The following HECTD2 variants were observed in gnomAD, a reference collection of about 807,000 sequenced individuals.
The protein encoded by HECTD2 is HECT domain E3 ubiquitin protein ligase 2.
In HECTD2, 35 loss-of-function variants were observed where a neutral mutation model predicts 103.2. The observed-to-expected ratio is 0.34, with a 90% confidence interval of 0.26 to 0.45. The LOEUF (loss-of-function observed/expected upper bound fraction) is 0.45, where lower values mean the gene tolerates loss of function less well. Ranked by LOEUF, HECTD2 falls within the 20% of genes least tolerant of loss-of-function variation. The probability of loss-of-function intolerance (pLI) is 1.00; values close to 1 mark genes in which losing one functional copy is unlikely to be tolerated. For missense variants in HECTD2, 596 were observed against 937.4 expected, an observed-to-expected ratio of 0.64 and a Z score of 4.76; for synonymous variants, 281 against 329.9, an observed-to-expected ratio of 0.85 and a Z score of 1.61.
At chr10:91,460,271 A>G (rs1302305485) in intron 2 of HECTD2, among the ~76,000 whole-genome samples, 156 bp from the exon 3 acceptor site, 1 of 152,162 alleles carries the variant, frequency 6.6e-6, no homozygotes, top group Non-Finnish European at 1.5e-5. Context: ...CCCTCCAGTA[A>G]ATGTCCTTCA....
At chr10:91,503,733 T>G (rs1204652497) in intron 20 of HECTD2, among the ~76,000 whole-genome samples, 2 of 152,046 alleles carry the variant, frequency 1.3e-5, no homozygotes, top group Non-Finnish European at 2.9e-5. Flanking sequence ...CTTGCTTAGG[T>G]AAACGAAGCA....
At chr10:91,429,568 C>T (rs893926778) in intron 2 of HECTD2, among the ~76,000 whole-genome samples, 2 of 152,042 alleles carry the variant, frequency 1.3e-5, no homozygotes, top group African/African-American at 2.4e-5. Context: ...CTGTTATTGG[C>T]CTATTCAGAG....
intron 1 of HECTD2, among the ~76,000 whole-genome samples, chr10:91,416,977 G>GCC (rs1843152833): frequency 2.0e-5 from 3 of 152,190 alleles, no homozygotes; most frequent in African/African-American, 7.2e-5. Flanking sequence ...TTCAAAAGGT[G>GCC]TACAGATACT....
intron 13 of HECTD2, among the ~76,000 whole-genome samples, chr10:91,492,717 A>G (rs1322449093): frequency 6.6e-6 from 1 of 152,192 alleles, no homozygotes; most frequent in African/African-American, 2.4e-5. Flanking sequence ...ATTAAAAGTA[A>G]ACATTTATGA....
intron 2 of HECTD2, among the ~76,000 whole-genome samples, chr10:91,427,434 C>A (rs1197154250): frequency 6.6e-6 from 1 of 152,150 alleles, no homozygotes; most frequent in East Asian, 1.9e-4. Flanking sequence ...ACACTGACTT[C>A]CACAATGACT....
At chr10:91,449,910 C>T (rs1255201167) in intron 2 of HECTD2, among the ~76,000 whole-genome samples, 3 of 150,996 alleles carry the variant, frequency 2.0e-5, no homozygotes, top group Admixed American at 6.6e-5. Context: ...ATTCTGTGCT[C>T]ATGGATAGGA....
chr10:91,510,069 A>G (rs1038329163), intron 20 of HECTD2, among the ~76,000 whole-genome samples: 8 of 152,234 alleles, frequency 5.3e-5, no homozygotes, highest in African/African-American at 1.4e-4. Flanking sequence ...AATGGGCACA[A>G]TAAGCCAGTG....
At chr10:91,502,134 C>T (rs576121483) in intron 20 of HECTD2, among the ~76,000 whole-genome samples, 5 of 152,134 alleles carry the variant, frequency 3.3e-5, no homozygotes, top group East Asian at 1.9e-4. Flanking sequence ...ATCATATTTC[C>T]GTGGGAAATA....
chr10:91,410,416 G>T lies in HECTD2; in HGVS notation c.-23G>T. 1.5e-6 allele frequency: 2 copies of T among 1,363,494 alleles called. No homozygotes were observed. The highest frequency in any genetic ancestry group is 9.4e-7 in the Non-Finnish European group (1 of 1,061,494). 84.5% of individuals were successfully genotyped at this position (1,363,494 alleles called of 1,614,324 possible). ...ACACTGAGGCCGCCGCCGCCGCCTG[G>T]CGCTCCCGCCGCCCGGCCCGACATG... On this transcript the variant is annotated 5_prime_UTR_variant, in exon 1 of 21. Coordinates refer to ENST00000298068, the MANE Select transcript of HECTD2 (RefSeq NM_182765.6).
chr10:91,473,617 C>T (rs369710190), intron 5 of HECTD2, among the ~76,000 whole-genome samples: 37 of 152,290 alleles, frequency 2.4e-4, no homozygotes, highest in African/African-American at 8.9e-4. Context: ...GGAAGACCAA[C>T]TCCTCCTCTT....
chr10:91,444,997 A>G (rs1484166934), intron 2 of HECTD2, among the ~76,000 whole-genome samples: 2 of 152,186 alleles, frequency 1.3e-5, no homozygotes, highest in African/African-American at 4.8e-5. Flanking sequence ...CTAGAAGCCA[A>G]TGTAAGAAGA....
At chr10:91,463,006 A>AATATATGGAAATACTTTC (rs1233751417) in intron 5 of HECTD2, 2 of 152,220 alleles carry the variant, frequency 1.3e-5, no homozygotes, top group African/African-American at 4.8e-5. Context: ...AATTGTGACT[A>AATATATGGAAATACTTTC]ATATATGGAA....
chr10:91,433,113 G>C (rs116488171), intron 2 of HECTD2, among the ~76,000 whole-genome samples: 1 of 152,096 alleles, frequency 6.6e-6, no homozygotes, highest in African/African-American at 2.4e-5. Context: ...TTTCCTTAAA[G>C]AATGAACTGA....
At position 91,480,972 on chromosome 10, in the gene HECTD2, A is replaced by G. The variant is rs1224424744; in HGVS notation, c.666-122A>G. 4.9e-6 allele frequency: 3 copies of G among 611,534 alleles called. No homozygotes were observed. In the African/African-American group the frequency reaches 5.9e-5, roughly 12 times the overall value. 37.9% of individuals were successfully genotyped at this position (611,534 alleles called of 1,614,324 possible). A position where few individuals can be genotyped will look rare whatever the true frequency, so the allele number is the denominator to read the frequency against. ...ATGGACTGTCTCAATAATAATGCAT[A>G]TTAATCCTAGTTTTTGGCTTTTCTC... On this transcript the variant is annotated intron_variant, in intron 6 of 20. Transcript: ENST00000298068.
chr10:91,473,286 A>C (rs911407569), intron 5 of HECTD2, among the ~76,000 whole-genome samples: 1 of 152,210 alleles, frequency 6.6e-6, no homozygotes, highest in Non-Finnish European at 1.5e-5. Flanking sequence ...GCAATCTGGG[A>C]GCCAAAAACC....
At chr10:91,490,831 C>T (rs931297245) in intron 11 of HECTD2, among the ~76,000 whole-genome samples, 3 of 128,972 alleles carry the variant, frequency 2.3e-5, no homozygotes, top group South Asian at 2.4e-4. Context: ...GCGGAGCTTG[C>T]AGTGAGCCGG....
chr10:91,493,598 C>A, intron 14 of HECTD2, 90 bp downstream of exon 14: 1 of 646,002 alleles, frequency 1.5e-6, no homozygotes, highest in Non-Finnish European at 2.6e-6. Flanking sequence ...TTTCTTTAGC[C>A]ATTTTATCCA....
chr10:91,439,747 T>C (rs2133105977), intron 2 of HECTD2, among the ~76,000 whole-genome samples: 1 of 152,314 alleles, frequency 6.6e-6, no homozygotes, highest in Middle Eastern at 3.4e-3. Flanking sequence ...TTGTGTCCTC[T>C]CTTCTTTCCT....
At chr10:91,419,254 A>T (rs890788581) in intron 1 of HECTD2, among the ~76,000 whole-genome samples, 2 of 152,206 alleles carry the variant, frequency 1.3e-5, no homozygotes, top group Non-Finnish European at 2.9e-5. Flanking sequence ...CATGGTTGTT[A>T]TTCTTATTGG....
Sources: allele counts gnomAD v4.1 joint callset (sites outside exome capture counted in the v4.1 genomes callset), GRCh38; gene constraint gnomAD v4.1.1; transcripts MANE v1.5; gene names NCBI Gene and HGNC (gene_info 2026-07-23, HGNC 2026-07-21).